C4orf51: variants seen among roughly 807,000 people sequenced by gnomAD.
The protein encoded by C4orf51 is uncharacterized protein C4orf51.
C4orf51 carries 25 observed loss-of-function variants against 25.2 expected under a neutral mutation model. The ratio of observed to expected loss-of-function variants is 0.99; its 90% CI spans 0.72 to 1.39. The LOEUF (loss-of-function observed/expected upper bound fraction) is 1.39, where lower values mean the gene tolerates loss of function less well. C4orf51 is among the 40% of genes most tolerant of loss of function. C4orf51 has a pLI of 0.00. For missense variants in C4orf51, 252 were observed against 239.6 expected, an observed-to-expected ratio of 1.05 and a Z score of -0.34; for synonymous variants, 100 against 84.5, an observed-to-expected ratio of 1.18 and a Z score of -1.01.
At chr4:145,767,103 G>A (rs1196359520) in intron 1 of C4orf51, among the ~76,000 whole-genome samples, 2 of 152,148 alleles carry the variant, frequency 1.3e-5, no homozygotes, top group African/African-American at 4.8e-5. Context: ...ACCAATCAAA[G>A]GTGACCCAGA....
At chr4:145,686,536 C>T (rs72723843) in intron 1 of C4orf51, among the ~76,000 whole-genome samples, 8,810 of 152,104 alleles carry the variant, frequency 0.058, 328 homozygotes, top group South Asian at 0.15. Context: ...GAGGGATGTA[C>T]ATTCTGTATA....
At chr4:145,698,029 GA>G (rs1730181961) in intron 2 of C4orf51, among the ~76,000 whole-genome samples, 1 of 152,160 alleles carries the variant, frequency 6.6e-6, no homozygotes, top group Non-Finnish European at 1.5e-5. Context: ...CTAACAGGTA[GA>G]AGTAATACCT....
intron 1 of C4orf51, among the ~76,000 whole-genome samples, chr4:145,746,135 G>A (rs1468604278): frequency 1.3e-5 from 2 of 151,948 alleles, no homozygotes; most frequent in Non-Finnish European, 2.9e-5. Flanking sequence ...TTGTCAGATG[G>A]GTAGTTTGCA....
At chr4:145,697,049 A>G (rs1189362806) in intron 2 of C4orf51, among the ~76,000 whole-genome samples, 1 of 144,558 alleles carries the variant, frequency 6.9e-6, no homozygotes, top group African/African-American at 2.6e-5. Flanking sequence ...ACAAAACAAA[A>G]CCAACCAACC....
In C4orf51 at chr4:145,680,278, G is replaced by A. The variant is rs1017801198; in HGVS notation, c.75G>A (p.Leu25=). The change falls in exon 1 of 6, where the codon CTG becomes CTA. Residue 25 remains leucine (L), a synonymous_variant. Transcript: ENST00000438731. ...FSPLTSQEFD[L]IRRKAGASWQ... is the part of the protein sequence containing the mutation. ...CTCTTACTTCTCAAGAGTTTGATCT[G>A]ATCAGACGCAAGGCTGGAGCATCTT... is the stretch of plus-strand genomic sequence containing the variant. 21 of 1,613,956 alleles carry A rather than the reference G, an allele frequency of 1.3e-5. No individual in the cohort carries two copies. The highest frequency in any genetic ancestry group is 1.7e-5 in the Non-Finnish European group (20 of 1,179,864).
At position 145,765,681 on chromosome 4, in the gene C4orf51, G is replaced by A; in HGVS notation, n.167-5307G>A. 1 of 1,614,194 alleles carries A rather than the reference G, an allele frequency of 6.2e-7. No homozygotes were observed. Among genetic ancestry groups the A allele is most frequent in the South Asian group, 1.1e-5 (1 of 91,076 alleles). On this transcript the variant is annotated intron_variant and non_coding_transcript_variant, in intron 1 of 1. Transcript: ENST00000510096. This position sits in a 1 kb window ranked among gnomAD's most constrained non-coding sequence, Gnocchi z 4.7. The stretch of plus-strand genomic sequence containing the variant: ...TTTGCTGTTGGCTGAATCACTCAGA[G>A]CTGAGAGGGAGGATGAAGAGGGGCT...
chr4:145,722,342 G>A (rs1226816191), intron 2 of C4orf51, among the ~76,000 whole-genome samples: 6 of 152,010 alleles, frequency 3.9e-5, no homozygotes, highest in African/African-American at 1.4e-4. Flanking sequence ...TATCATAACA[G>A]TATATCCTAA....
chr4:145,727,737 C>T (rs1056632379), intron 3 of C4orf51, among the ~76,000 whole-genome samples: 1 of 149,254 alleles, frequency 6.7e-6, no homozygotes, highest in African/African-American at 2.5e-5. Context: ...ACAAAATTAG[C>T]CGGGCATGAT....
intron 2 of C4orf51, among the ~76,000 whole-genome samples, chr4:145,702,397 C>T (rs1730512555): frequency 6.6e-6 from 1 of 152,044 alleles, no homozygotes; most frequent in Non-Finnish European, 1.5e-5. Context: ...TTTGCCTTCA[C>T]TTAGACTGAC....
Position 145,693,017 on chromosome 4 carries a change from G to GT in C4orf51, c.234-3525dup, listed in dbSNP as rs36157755. Among the ~76,000 whole-genome samples, 231 of 112,560 alleles carry GT rather than the reference G, an allele frequency of 2.1e-3. 2 individuals are homozygous for GT. The highest frequency in any genetic ancestry group is 4.8e-3 in the Middle Eastern group (1 of 208). 73.8% of individuals were successfully genotyped at this position (112,560 alleles called of 152,430 possible). A position where few individuals can be genotyped will look rare whatever the true frequency, so the allele number is the denominator to read the frequency against. On this transcript the variant is annotated intron_variant, in intron 1 of 5. Transcript: ENST00000438731. ...AGGTGAAATGAACAATTTTTCACCT[G>GT]TTTTTTTTTTTTTTTTTATTAAATT...
At chr4:145,744,682 A>T (rs1240651128) in intron 1 of C4orf51, among the ~76,000 whole-genome samples, 2 of 152,124 alleles carry the variant, frequency 1.3e-5, no homozygotes, top group African/African-American at 4.8e-5. Context: ...CTACAAAAAA[A>T]AATTAGTAAT....
intron 1 of C4orf51, chr4:145,760,787 T>C: frequency 8.5e-7 from 1 of 1,171,760 alleles, no homozygotes; most frequent in Non-Finnish European, 1.1e-6. Flanking sequence ...CCTCAGACAG[T>C]CTCTGCTCTT....
At chr4:145,720,947 G>A (rs1402812839) in intron 2 of C4orf51, among the ~76,000 whole-genome samples, 2 of 152,204 alleles carry the variant, frequency 1.3e-5, no homozygotes, top group African/African-American at 4.8e-5. Flanking sequence ...ACCACGGCGT[G>A]AGCTGTCATG....
chr4:145,736,182 G>C (rs1256413861), downstream of C4orf51, among the ~76,000 whole-genome samples: 2 of 151,924 alleles, frequency 1.3e-5, no homozygotes, highest in African/African-American at 2.4e-5. Context: ...GAGGCAATTA[G>C]AGTGGGAACA....
At chr4:145,690,812 C>T (rs1286667935) in intron 1 of C4orf51, among the ~76,000 whole-genome samples, 1 of 152,054 alleles carries the variant, frequency 6.6e-6, no homozygotes, top group Non-Finnish European at 1.5e-5. Context: ...TCAAAAAGTG[C>T]ACAAAGGGCC....
rs1180410463 is a variant in C4orf51, at chr4:145,747,703, T to C, written n.168-6504T>C. On this transcript the variant is annotated intron_variant and non_coding_transcript_variant, in intron 1 of 1. Coordinates refer to the C4orf51 transcript ENST00000508981. ...CTCCCTCCCTCCCTTCCTTCCTTCC[T>C]TCTTTCCTTCCTTCCTTCCTCTCTC... Among the ~76,000 whole-genome samples, 3 of 127,118 alleles carry C rather than the reference T, an allele frequency of 2.4e-5. No homozygotes were observed. The East Asian group carries it at 8.1e-4, about 34-fold the overall frequency. The allele number at this position is 127,118 out of a possible 152,430, so 83.4% of individuals were successfully genotyped here.
intron 2 of C4orf51, among the ~76,000 whole-genome samples, chr4:145,722,049 A>C (rs1214007153): frequency 1.3e-5 from 2 of 152,208 alleles, no homozygotes; most frequent in African/African-American, 2.4e-5. Flanking sequence ...CTTTATAATT[A>C]CCAAGTTAAG....
chr4:145,760,106 C>CG (rs1341475869), intron 1 of C4orf51: 1 of 152,166 alleles, frequency 6.6e-6, no homozygotes, highest in Non-Finnish European at 1.5e-5. Context: ...AGCGCTCTGG[C>CG]GGAAATCTCC....
intron 2 of C4orf51, among the ~76,000 whole-genome samples, chr4:145,716,759 G>A (rs1731437715): frequency 6.6e-6 from 1 of 152,100 alleles, no homozygotes; most frequent in Non-Finnish European, 1.5e-5. Flanking sequence ...GTTTTTGATG[G>A]TTGCCTTGGA....
Sources: allele counts gnomAD v4.1 joint callset (sites outside exome capture counted in the v4.1 genomes callset), GRCh38; gene constraint gnomAD v4.1.1; non-coding constraint Gnocchi (gnomAD v3.1); transcripts MANE v1.5; gene names NCBI Gene and HGNC (gene_info 2026-07-23, HGNC 2026-07-21).